PKD1L1: variants seen among roughly 807,000 people sequenced by gnomAD.
PKD1L1 encodes polycystin-1-like protein 1.
A neutral mutation model predicts 323.4 loss-of-function variants in PKD1L1; 236 were observed. That is an observed-to-expected ratio of 0.73 (90% CI 0.66 to 0.81). The LOEUF is 0.81. Among genes scored for constraint, PKD1L1 ranks in the 40% least tolerant of loss-of-function variants. The pLI is 0.00. For synonymous variants in PKD1L1, 1,344 were observed against 1,335.0 expected (o/e 1.01, Z -0.15); for missense variants, 3,320 against 3,508.0 (o/e 0.95, Z 1.35).
At chr7:47,959,067 G>A in the PKD1L1 span, among the ~76,000 whole-genome samples, 8 of 152,376 alleles carry the variant, frequency 5.3e-5, no homozygotes, top group South Asian at 1.4e-3. Flanking sequence ...CGAGTGATCC[G>A]CCAGCCTCGG....
intron 7 of PKD1L1, 62 bp from the exon 8 acceptor site, chr7:47,915,661 G>T: frequency 9.3e-7 from 1 of 1,071,842 alleles, no homozygotes; most frequent in Non-Finnish European, 1.3e-6. Flanking sequence ...AGGGGAAAAT[G>T]TGGAATAAAC....
chr7:47,909,524 G>A (rs1787275089), intron 8 of PKD1L1, among the ~76,000 whole-genome samples: 1 of 152,122 alleles, frequency 6.6e-6, no homozygotes, highest in Non-Finnish European at 1.5e-5. Flanking sequence ...GCTTCACCTG[G>A]CATCTGACTA....
rs570718509 is a variant in PKD1L1 at position 47,831,417 on chromosome 7, T to G, written c.6338-65A>C. ...CCTCGGCATCTCCATCCACGCGGAGTGTGGTGGTGAATCTTAGGTGTCAAC... is the reference window on the plus strand; with the variant it reads ...CCTCGGCATCTCCATCCACGCGGAGGGTGGTGGTGAATCTTAGGTGTCAAC... On this transcript the variant is annotated intron_variant, in intron 41 of 56. Coordinates refer to ENST00000289672, the MANE Select transcript of PKD1L1 (RefSeq NM_138295.5). The G allele has an allele frequency of 1.8e-5, 28 of 1,540,132 alleles. No individual in the cohort carries two copies. The East Asian group carries it at 3.0e-4, about 16-fold the overall frequency.
At chr7:47,865,070 C>T in intron 26 of PKD1L1, 146 bp downstream of exon 26, 2 of 638,450 alleles carry the variant, frequency 3.1e-6, no homozygotes, top group South Asian at 4.5e-5. Flanking sequence ...ATGGGCTTTG[C>T]TATTCAGATG....
At chr7:47,858,916 G>A in intron 26 of PKD1L1, 31 bp from the exon 27 acceptor site, 2 of 1,600,396 alleles carry the variant, frequency 1.2e-6, no homozygotes, top group Non-Finnish European at 1.7e-6. Context: ...TAAATAAAAT[G>A]CCTGGCCTTG....
intron 38 of PKD1L1, 23 bp downstream of exon 38, chr7:47,835,110 C>T (rs749182390): frequency 6.2e-7 from 1 of 1,600,722 alleles, no homozygotes; most frequent in Non-Finnish European, 8.5e-7. Context: ...GAGAACAGGG[C>T]CATGAGGACA....
In PKD1L1 at chr7:47,911,719, G is replaced by A. The variant is rs536419788; in HGVS notation, c.1229-3469C>T. 1.6e-4 allele frequency among the ~76,000 whole-genome samples: 24 copies of A among 152,252 alleles called. No individual in the cohort carries two copies. In the South Asian group the frequency reaches 4.1e-3, roughly 26 times the overall value. ...AATAGACGCAAAAACTGCTAAAAGC[G>A]GCAAATATCAAGCATGCATGAGCAG... On this transcript the variant is annotated intron_variant, in intron 8 of 56. Coordinates refer to ENST00000289672, the MANE Select transcript of PKD1L1 (RefSeq NM_138295.5).
chr7:47,821,102 A>T lies in PKD1L1; in HGVS notation c.6939T>A (p.Asn2313Lys). The T allele has an allele frequency of 6.2e-7, 1 of 1,601,542 alleles. No homozygotes were observed. The highest frequency in any genetic ancestry group is 1.1e-5 in the South Asian group (1 of 90,822). The change falls in exon 46 of 57, where the codon AAT becomes AAA. Residue 2313 changes from asparagine (N) to lysine (K), a missense_variant. Coordinates refer to ENST00000289672, the MANE Select transcript of PKD1L1 (RefSeq NM_138295.5). ...TTGTAAATTCTTTCCGGATAGCTTG[A>T]TTGAGGGAGTATTCATCTTGGGAAA... ...GRFSQDEYSL[N>K]QAIRKEFTRN...
intron 14 of PKD1L1, among the ~76,000 whole-genome samples, chr7:47,896,985 T>C (rs1786950245): frequency 6.6e-6 from 1 of 152,238 alleles, no homozygotes; most frequent in African/African-American, 2.4e-5. Context: ...GGGAAAGCTC[T>C]GCTTTTTCCT....
At chr7:47,931,471 C>A (rs1787770631) in intron 5 of PKD1L1, 150 bp from the exon 6 acceptor site, 1 of 802,394 alleles carries the variant, frequency 1.2e-6, no homozygotes. Flanking sequence ...CAAATTGGCC[C>A]CGTGCATTGG....
intron 24 of PKD1L1, among the ~76,000 whole-genome samples, chr7:47,873,375 G>A (rs573518720): frequency 5.3e-5 from 8 of 152,204 alleles, no homozygotes; most frequent in East Asian, 1.9e-4. Context: ...GAGGCTGGGC[G>A]CGGTGGCTCA....
chr7:47,946,969 C>T lies in PKD1L1; in HGVS notation c.44+1428G>A, dbSNP rs973284444. The stretch of plus-strand genomic sequence containing the variant: ...CCTTTCTAAGGGCAAAGGGGTAATT[C>T]CTTGCAATTCCCTGACTGATAAGAG... On this transcript the variant is annotated intron_variant, in intron 1 of 56. Coordinates refer to ENST00000289672, the MANE Select transcript of PKD1L1 (RefSeq NM_138295.5). The surrounding 1 kb of genome is among the most constrained non-coding windows in gnomAD (Gnocchi z 4.1). Among the ~76,000 whole-genome samples the T allele has an allele frequency of 2.0e-5, 3 of 152,192 alleles. No individual in the cohort carries two copies. The highest frequency in any genetic ancestry group is 7.2e-5 in the African/African-American group (3 of 41,454).
At chr7:47,948,516 T>C (rs367722835), upstream of PKD1L1, 39 of 1,420,202 alleles carry the variant, frequency 2.7e-5, no homozygotes, top group Non-Finnish European at 3.8e-5. Flanking sequence ...GACAAAGAAA[T>C]AGAGCTTAAT....
At chr7:47,863,639 C>A (rs1232630143) in intron 26 of PKD1L1, among the ~76,000 whole-genome samples, 2 of 152,088 alleles carry the variant, frequency 1.3e-5, no homozygotes, top group African/African-American at 4.8e-5. Flanking sequence ...AGAAGGTGTC[C>A]AGTGGATTTG....
chr7:47,814,076 A>G (rs1784964090), intron 47 of PKD1L1, 62 bp from the exon 48 acceptor site: 2 of 1,429,358 alleles, frequency 1.4e-6, no homozygotes, highest in African/African-American at 2.8e-5. Context: ...CTCCTCATCA[A>G]GCGTGCTCAA....
chr7:47,848,243 C>G (rs2123609), intron 31 of PKD1L1, among the ~76,000 whole-genome samples: 24,906 of 152,056 alleles, frequency 0.16, 2,432 homozygotes, highest in East Asian at 0.23. Flanking sequence ...CACTCCTCCC[C>G]CTACATGTAA....
intron 21 of PKD1L1, among the ~76,000 whole-genome samples, chr7:47,878,918 G>C (rs1481016846): frequency 6.6e-6 from 1 of 152,236 alleles, no homozygotes; most frequent in Admixed American, 6.5e-5. Flanking sequence ...GTGGGCCATG[G>C]AGAGACTCTC....
intron 25 of PKD1L1, 72 bp from the exon 26 acceptor site, chr7:47,865,344 GT>G: frequency 7.4e-7 from 1 of 1,359,706 alleles, no homozygotes; most frequent in Non-Finnish European, 1.0e-6. Flanking sequence ...TTGGGTTAAA[GT>G]TACAGCTTGC....
intron 45 of PKD1L1, among the ~76,000 whole-genome samples, chr7:47,821,460 G>C (rs1393527700): frequency 1.3e-5 from 2 of 151,760 alleles, no homozygotes; most frequent in Admixed American, 6.6e-5. Context: ...GTGGAGACGG[G>C]GTTTCTCCAT....
Sources: gnomAD v4.1 joint callset for allele counts (sites outside exome capture counted in the v4.1 genomes callset) on GRCh38, gnomAD v4.1.1 for gene constraint, Gnocchi (gnomAD v3.1) non-coding constraint, MANE v1.5 for transcripts, NCBI Gene and HGNC (gene_info 2026-07-23, HGNC 2026-07-21) for gene names.